The following GPHN variants were observed in gnomAD, a reference collection of about 807,000 sequenced individuals.
GPHN encodes gephyrin.
GPHN carries 17 observed loss-of-function variants against 95.5 expected under a neutral mutation model. That is an observed-to-expected ratio of 0.18 (90% confidence interval 0.12 to 0.27). GPHN has a LOEUF of 0.27. Among genes scored for constraint, GPHN ranks in the 10% least tolerant of loss-of-function variants. GPHN has a pLI of 1.00. For missense variants in GPHN, 660 were observed against 978.1 expected (o/e 0.67, Z 4.34); for synonymous variants, 320 against 322.5 (o/e 0.99, Z 0.08).
At chr14:66,658,402 T>C (rs187317027) in intron 1 of GPHN, among the ~76,000 whole-genome samples, 6 of 152,250 alleles carry the variant, frequency 3.9e-5, no homozygotes, top group Non-Finnish European at 7.4e-5. Context: ...TCTGTGAGGA[T>C]TGACTCTTCC....
At chr14:67,208,474 A>C in the GPHN span, 1 of 1,596,902 alleles carries the variant, frequency 6.3e-7, no homozygotes, top group East Asian at 2.2e-5. Context: ...AACATGCCAA[A>C]GGAATTCTAA....
At chr14:66,754,285 G>A (rs2058482069) in intron 2 of GPHN, among the ~76,000 whole-genome samples, 1 of 151,982 alleles carries the variant, frequency 6.6e-6, no homozygotes, top group Non-Finnish European at 1.5e-5. Flanking sequence ...GAAACTTAAA[G>A]TTTTCCAAAG....
At chr14:67,369,295 A>C in the GPHN span, among the ~76,000 whole-genome samples, 1 of 152,250 alleles carries the variant, frequency 6.6e-6, no homozygotes, top group Non-Finnish European at 1.5e-5. Flanking sequence ...GTAATGATAA[A>C]GGGTCAATTT....
At chr14:66,879,904 T>G (rs769873271) in intron 4 of GPHN, 35 bp from the exon 5 acceptor site, 1 of 1,372,862 alleles carries the variant, frequency 7.3e-7, no homozygotes, top group East Asian at 2.3e-5. Flanking sequence ...TTTTGGCTTA[T>G]TTCACTCAGT....
chr14:67,129,978 G>C (rs1415220209), intron 17 of GPHN, among the ~76,000 whole-genome samples: 1 of 152,014 alleles, frequency 6.6e-6, no homozygotes, highest in Admixed American at 6.6e-5. Flanking sequence ...GTAATATATT[G>C]GCTTTGAATT....
At chr14:66,891,966 T>A (rs2064535055) in intron 5 of GPHN, among the ~76,000 whole-genome samples, 1 of 151,988 alleles carries the variant, frequency 6.6e-6, no homozygotes, top group African/African-American at 2.4e-5. Flanking sequence ...ATCAAAAAAA[T>A]AATAATAAAT....
chr14:67,286,578 G>C, the GPHN span, among the ~76,000 whole-genome samples: 9 of 152,032 alleles, frequency 5.9e-5, no homozygotes, highest in East Asian at 1.7e-3. Flanking sequence ...GTTCTTAGCC[G>C]GGCGTGGTGG....
chr14:67,659,373 G>A, the GPHN span, among the ~76,000 whole-genome samples: 1 of 151,542 alleles, frequency 6.6e-6, no homozygotes, highest in Non-Finnish European at 1.5e-5. Context: ...TTATATGAGA[G>A]AATAAAAAAG....
intron 10 of GPHN, among the ~76,000 whole-genome samples, chr14:67,047,311 A>C (rs1303990045): frequency 9.5e-6 from 1 of 105,682 alleles, no homozygotes; most frequent in Non-Finnish European, 1.9e-5. Flanking sequence ...TCTTTTCTTC[A>C]TTTATTTTGT....
chr14:66,522,762 ATT>A (rs201178467), intron 1 of GPHN, among the ~76,000 whole-genome samples: 1 of 150,292 alleles, frequency 6.7e-6, no homozygotes, highest in Non-Finnish European at 1.5e-5. Flanking sequence ...AAAATATATA[ATT>A]TTTTTTTCTA....
chr14:67,729,161 C>G, the GPHN span: 1 of 1,608,632 alleles, frequency 6.2e-7, no homozygotes, highest in Non-Finnish European at 8.5e-7. Context: ...AGAGTGTGTC[C>G]CTGATCTAAT....
chr14:66,801,849 C>T (rs141915600), intron 3 of GPHN, among the ~76,000 whole-genome samples: 1 of 151,870 alleles, frequency 6.6e-6, no homozygotes, highest in African/African-American at 2.4e-5. Flanking sequence ...CTACCTGGAG[C>T]TGGTGGTGGT....
chr14:67,042,748 T>G (rs1037236738), intron 10 of GPHN, among the ~76,000 whole-genome samples: 11 of 151,416 alleles, frequency 7.3e-5, no homozygotes, highest in South Asian at 4.1e-4. Flanking sequence ...TTAAAGTAGT[T>G]TTTTCCAATT....
At chr14:67,500,603 G>A in the GPHN span, among the ~76,000 whole-genome samples, 10 of 141,272 alleles carry the variant, frequency 7.1e-5, 1 homozygote, top group African/African-American at 2.4e-4. Context: ...ATGGAGTCTC[G>A]CTCTGTCCCC....
chr14:66,660,157 G>A (rs1479704357), intron 1 of GPHN, among the ~76,000 whole-genome samples: 2 of 151,994 alleles, frequency 1.3e-5, no homozygotes, highest in East Asian at 3.9e-4. Flanking sequence ...GTGAAGTGTA[G>A]GAAACTTAAA....
chr14:66,671,422 T>C (rs939790220), intron 1 of GPHN, among the ~76,000 whole-genome samples: 2 of 152,160 alleles, frequency 1.3e-5, no homozygotes, highest in African/African-American at 4.8e-5. Flanking sequence ...GAAAGGAGAT[T>C]TTGCTTCTTT....
intron 4 of GPHN, among the ~76,000 whole-genome samples, chr14:66,851,219 A>G (rs1567019383): frequency 6.6e-6 from 1 of 152,006 alleles, no homozygotes; most frequent in Non-Finnish European, 1.5e-5. Context: ...GAACATATCT[A>G]TATAACCATC....
At chr14:67,032,291 A>G (rs1245647490) in intron 10 of GPHN, among the ~76,000 whole-genome samples, 1 of 152,178 alleles carries the variant, frequency 6.6e-6, no homozygotes, top group Non-Finnish European at 1.5e-5. Context: ...TGAATGCCTG[A>G]GGGCTACTGA....
At chr14:66,694,059 T>C (rs1179707444) in intron 2 of GPHN, among the ~76,000 whole-genome samples, 2 of 152,124 alleles carry the variant, frequency 1.3e-5, no homozygotes, top group Non-Finnish European at 2.9e-5. Flanking sequence ...ATATAGTTGC[T>C]GTGGTCTGAA....
Sources: gnomAD v4.1 joint callset for allele counts (sites outside exome capture counted in the v4.1 genomes callset) on GRCh38, gnomAD v4.1.1 for gene constraint, MANE v1.5 for transcripts, NCBI Gene and HGNC (gene_info 2026-07-23, HGNC 2026-07-21) for gene names.